The following ATF3 variants were observed in gnomAD, a reference collection of about 807,000 sequenced individuals.
ATF3 encodes cyclic AMP-dependent transcription factor ATF-3.
In ATF3, 10 loss-of-function variants were observed where a neutral mutation model predicts 18.4. That is an observed-to-expected ratio of 0.54 (90% CI 0.34 to 0.92). ATF3 has a LOEUF of 0.92. ATF3 is among the 40% of genes least tolerant of loss of function. The pLI is 0.02. For missense variants in ATF3, 183 were observed against 222.3 expected, an observed-to-expected ratio of 0.82 and a Z score of 1.12; for synonymous variants, 78 against 87.9, an observed-to-expected ratio of 0.89 and a Z score of 0.63.
chr1:212,581,221 T>C (rs889270991), intron 1 of ATF3, among the ~76,000 whole-genome samples: 6 of 152,194 alleles, frequency 3.9e-5, no homozygotes, highest in Non-Finnish European at 7.4e-5. Flanking sequence ...GGCTGGCGCG[T>C]GCGCAGGTCT....
At chr1:212,580,085 G>C (rs1299083774) in intron 1 of ATF3, among the ~76,000 whole-genome samples, 1 of 151,740 alleles carries the variant, frequency 6.6e-6, no homozygotes, top group African/African-American at 2.4e-5. Context: ...TTGAACCTGG[G>C]AGGCGGAGCT....
chr1:212,598,951 C>T (rs938170707), intron 1 of ATF3, among the ~76,000 whole-genome samples: 4 of 152,164 alleles, frequency 2.6e-5, no homozygotes, highest in Non-Finnish European at 5.9e-5. Context: ...TTGATATACT[C>T]ATTTCCTTTC....
At chr1:212,587,244 C>G (rs1173508111) in intron 1 of ATF3, among the ~76,000 whole-genome samples, 1 of 152,106 alleles carries the variant, frequency 6.6e-6, no homozygotes, top group Non-Finnish European at 1.5e-5. Flanking sequence ...ACATAATTGG[C>G]GTTCAATAAA....
chr1:212,573,733 C>CT lies in ATF3; in HGVS notation c.-5+8257dup, dbSNP rs536438268. On this transcript the variant is annotated intron_variant, in intron 1 of 3. Transcript: ENST00000366981. ...TTTTTTTCCTGGAGGGAAATCTTTCCTTTTTTTCTAAGTTCTTCAGCCGTG... is the reference window on the plus strand; with the variant it reads ...TTTTTTTCCTGGAGGGAAATCTTTCCTTTTTTTTCTAAGTTCTTCAGCCGTG... 1.0e-3 allele frequency among the ~76,000 whole-genome samples: 153 copies of CT among 151,714 alleles called. 1 individual carries two copies. The Middle Eastern group carries it at 0.01, about 10-fold the overall frequency.
chr1:212,588,176 C>A (rs1188442425), intron 1 of ATF3, among the ~76,000 whole-genome samples: 1 of 152,102 alleles, frequency 6.6e-6, no homozygotes, highest in Non-Finnish European at 1.5e-5. Flanking sequence ...CATTGAAACC[C>A]AACAGAAGAG....
chr1:212,573,706 A>AT (rs997124176), intron 1 of ATF3, among the ~76,000 whole-genome samples: 9 of 151,268 alleles, frequency 5.9e-5, no homozygotes, highest in South Asian at 4.2e-4. Flanking sequence ...GCCTAGACAC[A>AT]TTTTTTTTCC....
intron 1 of ATF3, among the ~76,000 whole-genome samples, chr1:212,582,556 G>T (rs1488799156): frequency 1.3e-5 from 2 of 152,170 alleles, no homozygotes; most frequent in Non-Finnish European, 2.9e-5. Context: ...TTGCCATGTC[G>T]CAAGAAAGTC....
intron 1 of ATF3, among the ~76,000 whole-genome samples, chr1:212,580,319 A>C (rs940651704): frequency 6.6e-6 from 1 of 150,792 alleles, no homozygotes; most frequent in African/African-American, 2.5e-5. Context: ...TTTACTTTCA[A>C]ATTTCCACTT....
chr1:212,613,230 G>A (rs185879385), intron 1 of ATF3, among the ~76,000 whole-genome samples: 106 of 152,186 alleles, frequency 7.0e-4, no homozygotes, highest in African/African-American at 2.5e-3. Flanking sequence ...AGTTTATCCC[G>A]AGGAATCTTT....
Position 212,598,991 on chromosome 1 carries a change from C to T in ATF3, c.-4-16027C>T, listed in dbSNP as rs192700004. On this transcript the variant is annotated intron_variant, in intron 1 of 3. Transcript: ENST00000366981. ...GGGTATATACTCAGCAGTAGGATTG[C>T]TGGATCATATGGTAGCTCTACTTTT... 6.8e-4 allele frequency among the ~76,000 whole-genome samples: 104 copies of T among 152,316 alleles called. 1 individual carries two copies. The East Asian group carries it at 0.013, about 20-fold the overall frequency.
chr1:212,609,346 C>T (rs1470691787), intron 1 of ATF3, among the ~76,000 whole-genome samples: 2 of 112,220 alleles, frequency 1.8e-5, no homozygotes, highest in African/African-American at 3.4e-5. Context: ...CTTCGAGACA[C>T]GGCACTGTGG....
intron 1 of ATF3, among the ~76,000 whole-genome samples, chr1:212,584,743 C>T (rs1664747588): frequency 6.6e-6 from 1 of 152,212 alleles, no homozygotes; most frequent in Admixed American, 6.5e-5. Context: ...CATCATCATG[C>T]TATGCTGGAG....
chr1:212,586,434 C>T (rs193233950), intron 1 of ATF3, among the ~76,000 whole-genome samples: 9 of 152,266 alleles, frequency 5.9e-5, no homozygotes, highest in South Asian at 2.1e-4. Context: ...GAGTTAATGA[C>T]GTAGCAGTGA....
intron 1 of ATF3, among the ~76,000 whole-genome samples, chr1:212,580,922 C>G (rs1037012953): frequency 1.3e-5 from 2 of 152,144 alleles, no homozygotes; most frequent in African/African-American, 4.8e-5. Flanking sequence ...GTGCCCCCCA[C>G]CATGCCCGGC....
chr1:212,568,833 C>T (rs1664429482), intron 1 of ATF3, among the ~76,000 whole-genome samples: 2 of 152,166 alleles, frequency 1.3e-5, no homozygotes, highest in Admixed American at 1.3e-4. Flanking sequence ...TTCACCTCCC[C>T]AACTCCGTCG....
At chr1:212,587,115 C>T (rs769210527) in intron 1 of ATF3, among the ~76,000 whole-genome samples, 6 of 152,084 alleles carry the variant, frequency 3.9e-5, no homozygotes, top group Non-Finnish European at 8.8e-5. Flanking sequence ...AAGAAGATTA[C>T]GTTTCGGAGA....
chr1:212,618,483 G>C lies in ATF3; in HGVS notation c.348+249G>C. On this transcript the variant is annotated intron_variant, in intron 3 of 3. Transcript: ENST00000341491. This position sits in a 1 kb window ranked among gnomAD's most constrained non-coding sequence, Gnocchi z 4.4. Reference sequence around the variant, plus strand: ...CTGATGCCTGACTCCCAGCAGCCTCGGCCGGTTCATACATGTCCATCAGCT... The same window carrying C: ...CTGATGCCTGACTCCCAGCAGCCTCCGCCGGTTCATACATGTCCATCAGCT... The C allele has an allele frequency of 1.9e-6, 1 of 523,116 alleles. No individual in the cohort carries two copies. Among genetic ancestry groups the C allele is most frequent in the Non-Finnish European group, 3.5e-6 (1 of 288,022 alleles). The allele number at this position is 523,116 out of a possible 1,614,324, so 32.4% of individuals were successfully genotyped here.
intron 2 of ATF3, among the ~76,000 whole-genome samples, chr1:212,616,916 G>A (rs1295950193): frequency 1.3e-5 from 2 of 152,148 alleles, no homozygotes; most frequent in African/African-American, 4.8e-5. Context: ...ATAGGGGTTA[G>A]GGTGGTGGCA....
At chr1:212,582,461 T>G (rs948475498) in intron 1 of ATF3, among the ~76,000 whole-genome samples, 2 of 152,264 alleles carry the variant, frequency 1.3e-5, no homozygotes, top group Non-Finnish European at 2.9e-5. Context: ...AGGGGAGGGC[T>G]GTGTGGGTTC....
Sources: allele counts gnomAD v4.1 joint callset (sites outside exome capture counted in the v4.1 genomes callset), GRCh38; gene constraint gnomAD v4.1.1; non-coding constraint Gnocchi (gnomAD v3.1); transcripts MANE v1.5; gene names NCBI Gene and HGNC (gene_info 2026-07-23, HGNC 2026-07-21).